CSMD3: variants seen among roughly 807,000 people sequenced by gnomAD.
The protein encoded by CSMD3 is CUB and sushi domain-containing protein 3.
CSMD3 carries 177 observed loss-of-function variants against 435.2 expected under a neutral mutation model. The observed-to-expected ratio is 0.41, with a 90% CI of 0.36 to 0.46. CSMD3 has a LOEUF of 0.46. Among genes scored for constraint, CSMD3 ranks in the 20% least tolerant of loss-of-function variants. CSMD3 has a pLI of 0.34. For missense variants in CSMD3, 4,265 were observed against 4,504.6 expected (o/e 0.95, Z 1.52); for synonymous variants, 1,656 against 1,520.5 (o/e 1.09, Z -2.07).
At chr8:113,426,538 AATATAT>A (rs988122667) in intron 1 of CSMD3, among the ~76,000 whole-genome samples, 1 of 151,428 alleles carries the variant, frequency 6.6e-6, no homozygotes, top group Non-Finnish European at 1.5e-5. Context: ...AGAAAGCTAA[AATATAT>A]ATTTGAGAAA....
At chr8:112,983,859 G>C (rs2085146720) in intron 6 of CSMD3, among the ~76,000 whole-genome samples, 1 of 151,992 alleles carries the variant, frequency 6.6e-6, no homozygotes, top group African/African-American at 2.4e-5. Flanking sequence ...TGTTGACTGT[G>C]AAAGGGTTGC....
intron 1 of CSMD3, among the ~76,000 whole-genome samples, chr8:113,394,981 G>C (rs1199310691): frequency 6.6e-6 from 1 of 152,050 alleles, no homozygotes; most frequent in Non-Finnish European, 1.5e-5. Context: ...CCAAGACATA[G>C]GGGCATGAAA....
At chr8:113,279,121 AC>A (rs1190991359) in intron 2 of CSMD3, among the ~76,000 whole-genome samples, 7 of 151,354 alleles carry the variant, frequency 4.6e-5, no homozygotes, top group Admixed American at 1.3e-4. Context: ...TACATTCAGA[AC>A]CTATTAAGGC....
At chr8:112,747,342 A>T (rs2077456320) in intron 13 of CSMD3, among the ~76,000 whole-genome samples, 1 of 151,606 alleles carries the variant, frequency 6.6e-6, no homozygotes, top group African/African-American at 2.4e-5. Flanking sequence ...AATAGTGCTA[A>T]CTGCCTCACA....
intron 13 of CSMD3, among the ~76,000 whole-genome samples, chr8:112,754,620 G>A (rs148428673): frequency 3.3e-5 from 5 of 152,294 alleles, no homozygotes; most frequent in African/African-American, 1.2e-4. Flanking sequence ...GTCAGGATGG[G>A]AAGTGACTTT....
intron 59 of CSMD3, among the ~76,000 whole-genome samples, chr8:112,276,773 A>G (rs1818087687): frequency 6.6e-6 from 1 of 152,156 alleles, no homozygotes; most frequent in Non-Finnish European, 1.5e-5. Flanking sequence ...ATCTAGGTAG[A>G]TGTTCCAAAA....
chr8:113,399,090 T>TA (rs953877590), intron 1 of CSMD3, among the ~76,000 whole-genome samples: 1 of 76,530 alleles, frequency 1.3e-5, no homozygotes, highest in African/African-American at 5.5e-5. Context: ...TATATATATA[T>TA]ATATATATAT....
At chr8:113,242,637 C>T (rs558296065) in intron 3 of CSMD3, among the ~76,000 whole-genome samples, 1 of 151,990 alleles carries the variant, frequency 6.6e-6, no homozygotes, top group East Asian at 1.9e-4. Context: ...ACTTAAAGAT[C>T]CTTTTTATTT....
chr8:112,751,854 G>A, intron 13 of CSMD3, among the ~76,000 whole-genome samples: 1 of 151,818 alleles, frequency 6.6e-6, no homozygotes, highest in East Asian at 1.9e-4. Flanking sequence ...ACATATGCAG[G>A]ATATGCAGGT....
At chr8:113,370,248 G>A (rs186620814) in intron 1 of CSMD3, among the ~76,000 whole-genome samples, 140 of 151,170 alleles carry the variant, frequency 9.3e-4, no homozygotes, top group Non-Finnish European at 1.6e-3. Flanking sequence ...CTCACAAAAG[G>A]AAAAAGATAG....
intron 3 of CSMD3, among the ~76,000 whole-genome samples, chr8:113,260,109 GC>G (rs1371405286): frequency 1.3e-5 from 2 of 152,096 alleles, no homozygotes; most frequent in African/African-American, 4.8e-5. Context: ...GCCCTCCCTA[GC>G]CCTGTGGAAC....
chr8:112,559,234 C>G (rs1328957358), intron 24 of CSMD3, among the ~76,000 whole-genome samples: 1 of 151,724 alleles, frequency 6.6e-6, no homozygotes, highest in African/African-American at 2.4e-5. Context: ...GAATGAGGCC[C>G]AGAAATTTAC....
At chr8:113,154,721 C>A (rs930052948) in intron 4 of CSMD3, among the ~76,000 whole-genome samples, 1 of 151,990 alleles carries the variant, frequency 6.6e-6, no homozygotes, top group African/African-American at 2.4e-5. Flanking sequence ...ACAATAGCTA[C>A]TTCAGAGCTT....
intron 5 of CSMD3, among the ~76,000 whole-genome samples, chr8:113,095,181 C>T (rs2090126144): frequency 6.6e-6 from 1 of 152,106 alleles, no homozygotes; most frequent in Non-Finnish European, 1.5e-5. Flanking sequence ...AAAACTATTC[C>T]AATCACACTG....
chr8:113,253,998 C>G (rs1033504631), intron 3 of CSMD3, among the ~76,000 whole-genome samples: 2 of 152,114 alleles, frequency 1.3e-5, no homozygotes, highest in African/African-American at 4.8e-5. Flanking sequence ...TGACCTGTTC[C>G]TCTACAATTA....
chr8:113,066,427 T>C (rs949551023), intron 5 of CSMD3, among the ~76,000 whole-genome samples: 1 of 152,110 alleles, frequency 6.6e-6, no homozygotes, highest in Non-Finnish European at 1.5e-5. Context: ...ATGATGAGAA[T>C]GATTAGATCG....
chr8:112,492,769 GCC>G, intron 30 of CSMD3, 86 bp from the exon 31 acceptor site: 1 of 1,060,868 alleles, frequency 9.4e-7, no homozygotes, highest in Non-Finnish European at 1.5e-6. Context: ...TGTGGATTCA[GCC>G]AACTGCAGAT....
chr8:112,699,150 T>G (rs1205128248), intron 13 of CSMD3, among the ~76,000 whole-genome samples: 1 of 152,150 alleles, frequency 6.6e-6, no homozygotes, highest in Non-Finnish European at 1.5e-5. Flanking sequence ...GGAAGCTTTG[T>G]TCTTTCCCCC....
chr8:113,125,890 G>C (rs1053956812), intron 4 of CSMD3, among the ~76,000 whole-genome samples: 1 of 151,898 alleles, frequency 6.6e-6, no homozygotes, highest in Non-Finnish European at 1.5e-5. Flanking sequence ...ACTAAAGTTA[G>C]AAATGGGAGT....
Sources: gnomAD v4.1 joint callset for allele counts (sites outside exome capture counted in the v4.1 genomes callset) on GRCh38, gnomAD v4.1.1 for gene constraint, MANE v1.5 for transcripts, NCBI Gene and HGNC (gene_info 2026-07-23, HGNC 2026-07-21) for gene names.